Variants in CSMD1 observed in about 807,000 individuals in gnomAD.
CSMD1 encodes the protein CUB and sushi domain-containing protein 1.
Under a neutral mutation model 417.5 loss-of-function variants are expected in CSMD1, and 213 were observed. That is an observed-to-expected ratio of 0.51 (90% confidence interval 0.46 to 0.57). CSMD1 has a LOEUF of 0.57. Among genes scored for constraint, CSMD1 ranks in the 20% least tolerant of loss-of-function variants. CSMD1 has a pLI of 0.00. For synonymous variants in CSMD1, 2,862 were observed against 1,736.8 expected, an observed-to-expected ratio of 1.65 and a Z score of -16.11; for missense variants, 6,923 against 4,529.7, an observed-to-expected ratio of 1.53 and a Z score of -15.17.
intron 41 of CSMD1, among the ~76,000 whole-genome samples, chr8:3,131,302 C>G (rs746427175): frequency 6.6e-6 from 1 of 151,228 alleles, no homozygotes; most frequent in East Asian, 1.9e-4. Flanking sequence ...ATGTAACTAA[C>G]CTACACAATG....
chr8:3,625,849 G>C (rs1297288364), intron 7 of CSMD1, among the ~76,000 whole-genome samples: 2 of 152,048 alleles, frequency 1.3e-5, no homozygotes, highest in African/African-American at 4.8e-5. Context: ...GGAAAAACAA[G>C]TAGATTTTTC....
At chr8:3,416,325 A>T (rs1420941808) in intron 12 of CSMD1, among the ~76,000 whole-genome samples, 4 of 147,208 alleles carry the variant, frequency 2.7e-5, no homozygotes, top group African/African-American at 1.0e-4. Flanking sequence ...AAAAAAAAAA[A>T]AGTGTTCTTT....
chr8:3,322,009 T>C (rs17079951), intron 23 of CSMD1, among the ~76,000 whole-genome samples: 24,282 of 152,190 alleles, frequency 0.16, 3,460 homozygotes, highest in African/African-American at 0.38. Context: ...TCAGCTTTCA[T>C]TACATATCAG....
At chr8:4,008,277 T>G (rs1188088357) in intron 4 of CSMD1, among the ~76,000 whole-genome samples, 1 of 152,178 alleles carries the variant, frequency 6.6e-6, no homozygotes, top group Non-Finnish European at 1.5e-5. Context: ...TTAAAATATG[T>G]AATTATTAAA....
At chr8:4,749,777 T>C (rs1036195983) in intron 1 of CSMD1, among the ~76,000 whole-genome samples, 3 of 152,154 alleles carry the variant, frequency 2.0e-5, no homozygotes, top group African/African-American at 7.2e-5. Context: ...CATTAAAATG[T>C]GTAAGTCTGG....
chr8:3,181,221 G>C lies in CSMD1; in HGVS notation c.5621-7C>G. On this transcript the variant is annotated splice_polypyrimidine_tract_variant and splice_region_variant and intron_variant, in intron 36 of 69. Coordinates refer to ENST00000635120, the MANE Select transcript of CSMD1 (RefSeq NM_033225.6). ...AGTGCCGGTACTGTGGTGCCTGTAA[G>C]AAACAATGCAGATAGAATTGTAACA... 5 of 1,590,992 alleles carry C rather than the reference G, an allele frequency of 3.1e-6. No individual in the cohort carries two copies. Among genetic ancestry groups the C allele is most frequent in the Non-Finnish European group, 4.3e-6 (5 of 1,159,622 alleles).
chr8:3,137,163 G>C (rs1358280840), intron 41 of CSMD1, among the ~76,000 whole-genome samples: 3 of 152,138 alleles, frequency 2.0e-5, no homozygotes, highest in African/African-American at 2.4e-5. Flanking sequence ...GTTGACTACA[G>C]TCACCCTAAA....
chr8:3,502,144 C>T lies in CSMD1; in HGVS notation c.1345-8418G>A, dbSNP rs1288438531. Among the ~76,000 whole-genome samples, 8 of 152,160 alleles carry T rather than the reference C, an allele frequency of 5.3e-5. 1 individual carries two copies. In the South Asian group the frequency reaches 8.3e-4, roughly 16 times the overall value. On this transcript the variant is annotated intron_variant, in intron 10 of 69. Transcript: ENST00000635120. Reference sequence around the variant, plus strand: ...CTTTGGAAGGCTGAGGCTGGCAGATCACGAGGTCAGGAGATCGAGACCATA... The same window carrying T: ...CTTTGGAAGGCTGAGGCTGGCAGATTACGAGGTCAGGAGATCGAGACCATA...
intron 33 of CSMD1, among the ~76,000 whole-genome samples, chr8:3,192,933 T>C (rs896390109): frequency 8.8e-6 from 1 of 114,098 alleles, no homozygotes; most frequent in East Asian, 2.3e-4. Flanking sequence ...AATAATGGCA[T>C]GAAGAAAAAA....
At chr8:4,411,732 T>C (rs1162361542) in intron 3 of CSMD1, among the ~76,000 whole-genome samples, 1 of 152,218 alleles carries the variant, frequency 6.6e-6, no homozygotes, top group African/African-American at 2.4e-5. Context: ...TATGTATTTG[T>C]ACATATAGAC....
intron 4 of CSMD1, among the ~76,000 whole-genome samples, chr8:4,018,061 G>A (rs993067652): frequency 1.4e-5 from 2 of 145,398 alleles, no homozygotes; most frequent in Non-Finnish European, 3.0e-5. Flanking sequence ...GTGTGGGTAT[G>A]TATGCTTGCA....
intron 3 of CSMD1, among the ~76,000 whole-genome samples, chr8:4,245,135 T>A (rs1421236061): frequency 6.6e-6 from 1 of 152,176 alleles, no homozygotes; most frequent in Non-Finnish European, 1.5e-5. Context: ...CACAGAATGT[T>A]CCATGGAAAT....
intron 1 of CSMD1, among the ~76,000 whole-genome samples, chr8:4,656,320 C>A (rs754147766): frequency 1.3e-5 from 2 of 152,092 alleles, no homozygotes; most frequent in South Asian, 2.1e-4. Context: ...TGAGAGGCAA[C>A]CTTCAGGGTA....
intron 3 of CSMD1, among the ~76,000 whole-genome samples, chr8:4,291,682 C>G (rs548254778): frequency 1.3e-5 from 2 of 152,092 alleles, no homozygotes; most frequent in Admixed American, 6.6e-5. Context: ...ATACAAAATT[C>G]TTTATTCAAC....
chr8:3,268,795 T>C (rs1244326874), intron 26 of CSMD1, among the ~76,000 whole-genome samples: 1 of 152,202 alleles, frequency 6.6e-6, no homozygotes, highest in Non-Finnish European at 1.5e-5. Flanking sequence ...TATCAGAAAA[T>C]TTTATGCCCA....
chr8:4,540,054 G>A (rs1390006098), intron 2 of CSMD1, among the ~76,000 whole-genome samples: 3 of 152,060 alleles, frequency 2.0e-5, no homozygotes, highest in East Asian at 3.9e-4. Context: ...AACCTCCCCC[G>A]GCTTCTTTCT....
chr8:4,423,446 C>T (rs903856507), intron 2 of CSMD1, among the ~76,000 whole-genome samples: 1 of 151,974 alleles, frequency 6.6e-6, no homozygotes, highest in Admixed American at 6.6e-5. Flanking sequence ...ATCTGAAATA[C>T]ATCAATCACA....
At chr8:3,680,996 T>C (rs554337249) in intron 7 of CSMD1, among the ~76,000 whole-genome samples, 1 of 152,314 alleles carries the variant, frequency 6.6e-6, no homozygotes, top group African/African-American at 2.4e-5. Context: ...CAGCCCTTCA[T>C]GCTAAAAACT....
chr8:4,025,953 T>A (rs894996307), intron 4 of CSMD1, among the ~76,000 whole-genome samples: 1 of 151,000 alleles, frequency 6.6e-6, no homozygotes, highest in African/African-American at 2.4e-5. Flanking sequence ...TAAACTTTTA[T>A]AACCCTGGCA....
Sources: gnomAD v4.1 joint callset for allele counts (sites outside exome capture counted in the v4.1 genomes callset) on GRCh38, gnomAD v4.1.1 for gene constraint, MANE v1.5 for transcripts, NCBI Gene and HGNC (gene_info 2026-07-23, HGNC 2026-07-21) for gene names.